The following SRPK2 variants were observed in gnomAD, a reference collection of about 807,000 sequenced individuals.
The protein encoded by SRPK2 is SFRS protein kinase 2.
SRPK2 carries 21 observed loss-of-function variants against 90.8 expected under a neutral mutation model. The ratio of observed to expected loss-of-function variants is 0.23; its 90% confidence interval spans 0.16 to 0.33. The LOEUF is 0.33. Among genes scored for constraint, SRPK2 ranks in the 10% least tolerant of loss-of-function variants. SRPK2 has a pLI of 1.00. For synonymous variants in SRPK2, 288 were observed against 311.1 expected, an observed-to-expected ratio of 0.93 and a Z score of 0.78; for missense variants, 620 against 869.0, an observed-to-expected ratio of 0.71 and a Z score of 3.60.
At chr7:105,167,298 A>G in intron 6 of SRPK2, 79 bp downstream of exon 6, 1 of 1,219,688 alleles carries the variant, frequency 8.2e-7, no homozygotes, top group Middle Eastern at 2.0e-4. Flanking sequence ...ATACAGCAGT[A>G]AACAGAGATT....
chr7:105,389,181 G>A (rs1164291692), upstream of SRPK2: 57 of 1,067,110 alleles, frequency 5.3e-5, no homozygotes, highest in Non-Finnish European at 6.4e-5. Flanking sequence ...CAGGCCGCCC[G>A]CCTCTCCCGG....
chr7:105,391,964 T>G (rs903239313), upstream of SRPK2, among the ~76,000 whole-genome samples: 6 of 152,202 alleles, frequency 3.9e-5, no homozygotes, highest in Admixed American at 1.3e-4. Flanking sequence ...TGGTCATCCA[T>G]AAATGAATGG....
intron 2 of SRPK2, among the ~76,000 whole-genome samples, chr7:105,259,278 T>C (rs2129788254): frequency 6.6e-6 from 1 of 152,308 alleles, no homozygotes; most frequent in East Asian, 1.9e-4. Flanking sequence ...GAACTCCCAT[T>C]CACAATTGCT....
intron 7 of SRPK2, 103 bp downstream of exon 7, chr7:105,160,404 A>G: frequency 9.3e-6 from 6 of 644,594 alleles, no homozygotes; most frequent in Non-Finnish European, 1.7e-5. Flanking sequence ...TACATTATGC[A>G]CTGATACATA....
intron 5 of SRPK2, 84 bp downstream of exon 5, chr7:105,167,919 CTTTAA>C: frequency 8.5e-7 from 1 of 1,183,076 alleles, no homozygotes; most frequent in South Asian, 1.5e-5. Context: ...CCAAACTTGA[CTTTAA>C]TTTAGTATTA....
chr7:105,284,479 G>A (rs1807792239), intron 2 of SRPK2, among the ~76,000 whole-genome samples: 1 of 152,072 alleles, frequency 6.6e-6, no homozygotes, highest in African/African-American at 2.4e-5. Flanking sequence ...TTTTAAGTAT[G>A]GCAGAAACAT....
At chr7:105,386,453 C>T (rs1821615396) in intron 2 of SRPK2, among the ~76,000 whole-genome samples, 1 of 152,148 alleles carries the variant, frequency 6.6e-6, no homozygotes, top group Non-Finnish European at 1.5e-5. Context: ...GTGGCTCACA[C>T]CTGTAATCCC....
At chr7:105,129,118 C>T (rs933741042) in intron 13 of SRPK2, among the ~76,000 whole-genome samples, 3 of 152,072 alleles carry the variant, frequency 2.0e-5, no homozygotes, top group African/African-American at 4.8e-5. Context: ...CCCGCCACCA[C>T]GCCCGGCTAA....
At chr7:105,221,106 A>G (rs1009812811) in intron 2 of SRPK2, among the ~76,000 whole-genome samples, 7 of 152,238 alleles carry the variant, frequency 4.6e-5, no homozygotes, top group African/African-American at 9.6e-5. Context: ...AAAAATCTCT[A>G]AAACATATTA....
intron 1 of SRPK2, among the ~76,000 whole-genome samples, chr7:105,394,777 C>T (rs1210123979): frequency 3.9e-5 from 6 of 152,158 alleles, no homozygotes; most frequent in African/African-American, 1.4e-4. Flanking sequence ...TCCCTGCCTT[C>T]ATGGAGCTTA....
chr7:105,128,787 T>G (rs1175651543), intron 13 of SRPK2, among the ~76,000 whole-genome samples: 1 of 152,198 alleles, frequency 6.6e-6, no homozygotes, highest in Non-Finnish European at 1.5e-5. Context: ...GGACTCAACC[T>G]CTTGGGCTCC....
chr7:105,376,832 C>T (rs531709323), intron 2 of SRPK2, among the ~76,000 whole-genome samples: 1 of 100,770 alleles, frequency 9.9e-6, no homozygotes, highest in African/African-American at 3.7e-5. Context: ...GCCACCACGC[C>T]CGCCCCCCCA....
At chr7:105,344,501 G>C (rs1816226565) in intron 2 of SRPK2, among the ~76,000 whole-genome samples, 1 of 138,188 alleles carries the variant, frequency 7.2e-6, no homozygotes, top group South Asian at 2.3e-4. Flanking sequence ...TGATCCTCTT[G>C]CCTCAGTCTC....
In SRPK2 at chr7:105,374,207, A is replaced by G. The variant is rs147139622; in HGVS notation, c.71+14441T>C. On this transcript the variant is annotated intron_variant, in intron 2 of 15. Transcript: ENST00000393651. ...CTCCCAAAGTGCTGGGATTACAGGC[A>G]TGAGCCACCGCGCCCAGCCAGTTTC... Among the ~76,000 whole-genome samples, 189 of 152,050 alleles carry G rather than the reference A, an allele frequency of 1.2e-3. 1 individual carries two copies. The highest frequency in any genetic ancestry group is 3.4e-3 in the African/African-American group (143 of 41,482).
chr7:105,206,064 C>T (rs1278050896), intron 2 of SRPK2: 6 of 513,676 alleles, frequency 1.2e-5, no homozygotes, highest in Admixed American at 5.9e-5. Flanking sequence ...TAATTCATTG[C>T]TGTGGGGCTG....
intron 7 of SRPK2, among the ~76,000 whole-genome samples, chr7:105,150,780 G>C (rs1265882466): frequency 6.6e-6 from 1 of 152,178 alleles, no homozygotes; most frequent in African/African-American, 2.4e-5. Context: ...GCCCATAGAG[G>C]TCAAAGGAAT....
intron 2 of SRPK2, among the ~76,000 whole-genome samples, chr7:105,246,067 A>G (rs1478520525): frequency 1.3e-5 from 2 of 152,360 alleles, no homozygotes; most frequent in African/African-American, 4.8e-5. Flanking sequence ...GGAAGGTTAC[A>G]TCGGCAAAAA....
chr7:105,116,830 A>G lies in SRPK2; in HGVS notation c.*1008T>C, dbSNP rs915746799. 4 of 152,220 alleles carry G rather than the reference A, an allele frequency of 2.6e-5. No individual in the cohort carries two copies. Among genetic ancestry groups the G allele is most frequent in the Admixed American group, 2.6e-4 (4 of 15,280 alleles). The allele number at this position is 152,220 out of a possible 1,614,324, so 9.4% of individuals were successfully genotyped here. ...ATCACTGTTATCTTTGAGCTGTGAG[A>G]AGTATTCTGCCCACTGCACTGCAAA... On this transcript the variant is annotated 3_prime_UTR_variant, in exon 16 of 16. Coordinates refer to ENST00000393651, the MANE Select transcript of SRPK2 (RefSeq NM_182692.3).
At chr7:105,140,537 G>C (rs1322625810) in intron 11 of SRPK2, among the ~76,000 whole-genome samples, 2 of 151,946 alleles carry the variant, frequency 1.3e-5, no homozygotes, top group African/African-American at 4.8e-5. Flanking sequence ...GGAGGCGGAG[G>C]TTGCAGTGAG....
Sources: allele counts gnomAD v4.1 joint callset (sites outside exome capture counted in the v4.1 genomes callset), GRCh38; gene constraint gnomAD v4.1.1; transcripts MANE v1.5; gene names NCBI Gene and HGNC (gene_info 2026-07-23, HGNC 2026-07-21).